The following PDE8B variants were observed in gnomAD, a reference collection of about 807,000 sequenced individuals.
PDE8B encodes phosphodiesterase 8B.
A neutral mutation model predicts 101.3 loss-of-function variants in PDE8B; 26 were observed. The observed-to-expected ratio is 0.26, with a 90% CI of 0.19 to 0.36. The LOEUF (loss-of-function observed/expected upper bound fraction) is 0.36, where lower values mean the gene tolerates loss of function less well. PDE8B is among the 10% of genes least tolerant of loss of function. The pLI, the probability that PDE8B is intolerant of heterozygous loss-of-function variation, is 1.00. For missense variants in PDE8B, 810 were observed against 1,163.1 expected, an observed-to-expected ratio of 0.70 and a Z score of 4.42; for synonymous variants, 424 against 429.3, an observed-to-expected ratio of 0.99 and a Z score of 0.15.
intron 1 of PDE8B, among the ~76,000 whole-genome samples, chr5:77,247,849 A>C (rs576793505): frequency 6.6e-6 from 1 of 152,268 alleles, no homozygotes; most frequent in African/African-American, 2.4e-5. Flanking sequence ...TGGCTGCCTC[A>C]TCCCCTCACC....
chr5:77,290,410 C>T (rs1175702286), intron 1 of PDE8B: 2 of 1,403,082 alleles, frequency 1.4e-6, no homozygotes, highest in Non-Finnish European at 1.0e-6. Context: ...AACAACTAGC[C>T]AATAGCAAGA....
At chr5:77,352,939 A>G (rs1171775079) in intron 9 of PDE8B, among the ~76,000 whole-genome samples, 2 of 152,250 alleles carry the variant, frequency 1.3e-5, no homozygotes, top group African/African-American at 2.4e-5. Flanking sequence ...GATATTTAAT[A>G]TAAAAACAGC....
rs70988667 is a variant in PDE8B at position 77,369,203 on chromosome 5, CAA to C, written c.1167+15818_1167+15819del. Among the ~76,000 whole-genome samples the C allele has an allele frequency of 6.7e-3, 527 of 78,994 alleles. 2 individuals are homozygous for C. Among genetic ancestry groups the C allele is most frequent in the African/African-American group, 0.015 (286 of 18,458 alleles). The allele number at this position is 78,994 out of a possible 152,430, so 51.8% of individuals were successfully genotyped here. On this transcript the variant is annotated intron_variant, in intron 10 of 21. Coordinates refer to ENST00000264917, the MANE Select transcript of PDE8B (RefSeq NM_003719.5). ...ATGCGACAGAGCGAGTCCACTGTCT[CAA>C]AAAAAAAAAAAAAAAAAAAAGAAGA...
chr5:77,138,916 A>C, the PDE8B span, among the ~76,000 whole-genome samples: 1 of 152,206 alleles, frequency 6.6e-6, no homozygotes, highest in Non-Finnish European at 1.5e-5. Context: ...ATTTTAATTT[A>C]GGTTATTTGA....
chr5:77,369,508 G>A lies in PDE8B; in HGVS notation c.1167+16102G>A, dbSNP rs549612943. Among the ~76,000 whole-genome samples, 11 of 152,222 alleles carry A rather than the reference G, an allele frequency of 7.2e-5. No individual in the cohort carries two copies. In the South Asian group the frequency reaches 1.0e-3, roughly 14 times the overall value. On this transcript the variant is annotated intron_variant, in intron 10 of 21. Coordinates refer to ENST00000264917, the MANE Select transcript of PDE8B (RefSeq NM_003719.5). ...CAGAGAGAGGAATCCAAGGAGATCC[G>A]AAATGGCATGCTGTATCTGAAAATA...
chr5:77,400,227 C>G (rs1207917957), intron 10 of PDE8B, 21 bp from the exon 11 acceptor site: 2 of 1,562,862 alleles, frequency 1.3e-6, no homozygotes, highest in African/African-American at 1.4e-5. Flanking sequence ...CTTGTTTTAT[C>G]AAACTTTTGA....
At chr5:77,111,378 C>T in the PDE8B span, among the ~76,000 whole-genome samples, 1 of 152,144 alleles carries the variant, frequency 6.6e-6, no homozygotes, top group African/African-American at 2.4e-5. Context: ...TTCTCTATAC[C>T]ATGGCCCCCA....
chr5:77,127,136 T>TATAATG, the PDE8B span, among the ~76,000 whole-genome samples: 2 of 152,200 alleles, frequency 1.3e-5, no homozygotes, highest in Non-Finnish European at 2.9e-5. Context: ...TTATCCAGGT[T>TATAATG]CCTGCCTGTA....
At chr5:77,283,849 T>C (rs1013913017) in intron 1 of PDE8B, among the ~76,000 whole-genome samples, 1 of 152,200 alleles carries the variant, frequency 6.6e-6, no homozygotes, top group African/African-American at 2.4e-5. Flanking sequence ...TGAGTAAATA[T>C]CAAGGAATGC....
At position 77,419,786 on chromosome 5, in the gene PDE8B, C is replaced by A; in HGVS notation, c.2149C>A (p.Arg717Ser). Residue 717 changes from arginine to serine, a missense_variant, in exon 19 of 22, where the codon CGC (arginine) becomes AGC (serine). Around this residue, in one of 4 missense-constraint regions of PDE8B, gnomAD observed 325 missense variants for 560.9 expected, o/e 0.58. Coordinates refer to ENST00000264917, the MANE Select transcript of PDE8B (RefSeq NM_003719.5). ...TTTTAGGAACCATTATCGAACGCTG[C>A]GCCAGGCTATTATTGACATGGTTTT... is the stretch of plus-strand genomic sequence containing the variant. ...NIDRNHYRTLRQAIIDMVLAT... is the reference protein window; with the variant it reads ...NIDRNHYRTLSQAIIDMVLAT... The A allele has an allele frequency of 1.2e-6, 2 of 1,613,978 alleles. No homozygotes were observed. The highest frequency in any genetic ancestry group is 1.7e-6 in the Non-Finnish European group (2 of 1,179,892).
At position 77,426,181 on chromosome 5, in the gene PDE8B, G is replaced by A. The variant is rs1643614041; in HGVS notation, c.2549-264G>A. ...CTTACTGCAGTGTTTTTCTGTCGTTGGAGGAAAACTCTAGAAAGAATGCAA... is the reference window on the plus strand; with the variant it reads ...CTTACTGCAGTGTTTTTCTGTCGTTAGAGGAAAACTCTAGAAAGAATGCAA... On this transcript the variant is annotated intron_variant, in intron 21 of 21. Coordinates refer to ENST00000264917, the MANE Select transcript of PDE8B (RefSeq NM_003719.5). The A allele has an allele frequency of 8.5e-6, 5 of 588,974 alleles. No individual in the cohort carries two copies. In the South Asian group the frequency reaches 1.0e-4, roughly 12 times the overall value. 36.5% of individuals were successfully genotyped at this position (588,974 alleles called of 1,614,324 possible).
intron 1 of PDE8B, among the ~76,000 whole-genome samples, chr5:77,230,375 A>G (rs746566104): frequency 6.6e-6 from 1 of 152,226 alleles, no homozygotes. Flanking sequence ...CACTGGCTTT[A>G]CAGGGATGGA....
At chr5:77,183,603 C>T in the PDE8B span, among the ~76,000 whole-genome samples, 4 of 152,220 alleles carry the variant, frequency 2.6e-5, no homozygotes, top group Non-Finnish European at 5.9e-5. Context: ...TTATACACCT[C>T]AGTGCATAGA....
chr5:77,283,105 C>T (rs1290948186), intron 1 of PDE8B, among the ~76,000 whole-genome samples: 4 of 152,076 alleles, frequency 2.6e-5, no homozygotes, highest in Non-Finnish European at 4.4e-5. Context: ...AATAGCTTTA[C>T]GTCTTTTACA....
chr5:77,234,521 C>T lies in PDE8B; in HGVS notation c.339+23257C>T, dbSNP rs79752412. The stretch of plus-strand genomic sequence containing the variant: ...ACTCGCATGTTCAAGAGGACTTTAC[C>T]GAACCTCAGAGATGACAGAATAGAA... On this transcript the variant is annotated intron_variant, in intron 1 of 21. Coordinates refer to ENST00000264917, the MANE Select transcript of PDE8B (RefSeq NM_003719.5). Among the ~76,000 whole-genome samples, 880 of 152,190 alleles carry T rather than the reference C, an allele frequency of 5.8e-3. 8 individuals carry two copies. The highest frequency in any genetic ancestry group is 0.02 in the African/African-American group (823 of 41,514).
At chr5:77,151,082 A>G in the PDE8B span, 3 of 152,428 alleles carry the variant, frequency 2.0e-5, no homozygotes, top group African/African-American at 4.8e-5. Flanking sequence ...GTTTCTGGAC[A>G]TACAGGAACA....
rs1171981954 is a variant in PDE8B, at chr5:77,427,878, C to T, written c.*1324C>T. On this transcript the variant is annotated 3_prime_UTR_variant, in exon 22 of 22. Transcript: ENST00000264917. The stretch of plus-strand genomic sequence containing the variant: ...ATGCTGCATTTTTAAAAGGTATAAA[C>T]AAACAGAGACTGAATTAATTGAATC... The T allele has an allele frequency of 6.6e-6, 1 of 151,760 alleles. No homozygotes were observed. Among genetic ancestry groups the T allele is most frequent in the Non-Finnish European group, 1.5e-5 (1 of 67,994 alleles). 9.4% of individuals were successfully genotyped at this position (151,760 alleles called of 1,614,324 possible).
intron 1 of PDE8B, among the ~76,000 whole-genome samples, chr5:77,235,364 T>G (rs72766905): frequency 0.13 from 20,143 of 152,160 alleles, 1,865 homozygotes; most frequent in East Asian, 0.5. Flanking sequence ...GTCCAGCATT[T>G]TGCCTCCATT....
At chr5:77,162,080 A>T in the PDE8B span, among the ~76,000 whole-genome samples, 1 of 151,938 alleles carries the variant, frequency 6.6e-6, no homozygotes, top group Non-Finnish European at 1.5e-5. Context: ...TAAATTTAGC[A>T]AGGTTGGAGG....
Sources: gnomAD v4.1 joint callset for allele counts (sites outside exome capture counted in the v4.1 genomes callset) on GRCh38, gnomAD v4.1.1 for gene constraint, gnomAD v4.1.1 regional missense constraint, MANE v1.5 for transcripts, NCBI Gene and HGNC (gene_info 2026-07-23, HGNC 2026-07-21) for gene names.